Variants in GABRB3 observed in about 807,000 individuals in gnomAD.
The protein encoded by GABRB3 is gamma-aminobutyric acid type A receptor subunit beta3.
In GABRB3, 14 loss-of-function variants were observed where a neutral mutation model predicts 52.1. That is an observed-to-expected ratio of 0.27 (90% CI 0.18 to 0.42). The LOEUF (loss-of-function observed/expected upper bound fraction) is 0.42. Ranked by LOEUF, GABRB3 falls within the 10% of genes least tolerant of loss-of-function variation. The pLI is 1.00. For missense variants in GABRB3, 307 were observed against 609.1 expected (o/e 0.50, Z 5.22); for synonymous variants, 260 against 232.3 (o/e 1.12, Z -1.08).
intron 3 of GABRB3, among the ~76,000 whole-genome samples, chr15:26,658,122 C>T (rs1057410537): frequency 6.6e-6 from 1 of 152,128 alleles, no homozygotes; most frequent in Non-Finnish European, 1.5e-5. Context: ...GCTGGTGCCA[C>T]CCAGACCAGT....
At chr15:26,585,373 C>A (rs574237224) in intron 4 of GABRB3, among the ~76,000 whole-genome samples, 1 of 152,292 alleles carries the variant, frequency 6.6e-6, no homozygotes, top group East Asian at 1.9e-4. Flanking sequence ...AACAAACCTA[C>A]TAATGCTGCA....
At chr15:26,548,853 T>A (rs1230214713) in intron 8 of GABRB3, among the ~76,000 whole-genome samples, 1 of 152,248 alleles carries the variant, frequency 6.6e-6, no homozygotes, top group Admixed American at 6.5e-5. Context: ...TGGGTTGGTC[T>A]GCACTGGAAC....
intron 3 of GABRB3, among the ~76,000 whole-genome samples, chr15:26,709,202 A>G (rs1367870455): frequency 6.6e-6 from 1 of 152,178 alleles, no homozygotes; most frequent in South Asian, 2.1e-4. Context: ...CTTATGTTGA[A>G]CTTTGATTCC....
chr15:26,770,131 A>G (rs1488986953), intron 3 of GABRB3, among the ~76,000 whole-genome samples: 3 of 152,206 alleles, frequency 2.0e-5, no homozygotes, highest in Admixed American at 2.0e-4. Flanking sequence ...TCATGCACAA[A>G]TATTTTAAGG....
chr15:26,713,775 A>T (rs1340691806), intron 3 of GABRB3, among the ~76,000 whole-genome samples: 1 of 152,216 alleles, frequency 6.6e-6, no homozygotes, highest in Non-Finnish European at 1.5e-5. Context: ...GTGAGCATTC[A>T]TCAGGCAGCA....
At chr15:26,710,740 T>G (rs563031466) in intron 3 of GABRB3, among the ~76,000 whole-genome samples, 7 of 152,366 alleles carry the variant, frequency 4.6e-5, no homozygotes, top group African/African-American at 1.7e-4. Context: ...AAGGGAAATA[T>G]TGATACAAAG....
chr15:26,579,193 G>C (rs1226430135), intron 6 of GABRB3, among the ~76,000 whole-genome samples: 1 of 152,212 alleles, frequency 6.6e-6, no homozygotes, highest in African/African-American at 2.4e-5. Flanking sequence ...ACTCAAGATG[G>C]GGGTGGGGAG....
At chr15:26,589,601 G>A (rs1807243812) in intron 4 of GABRB3, among the ~76,000 whole-genome samples, 1 of 151,740 alleles carries the variant, frequency 6.6e-6, no homozygotes, top group Non-Finnish European at 1.5e-5. Context: ...AACAATCTTG[G>A]TCTCTATCTC....
intron 3 of GABRB3, among the ~76,000 whole-genome samples, chr15:26,646,667 C>T (rs543780558): frequency 6.6e-6 from 1 of 152,226 alleles, no homozygotes; most frequent in East Asian, 1.9e-4. Context: ...ACCCCAGCAA[C>T]ATATAAAGTT....
At chr15:26,600,700 C>T (rs1478302523) in intron 4 of GABRB3, among the ~76,000 whole-genome samples, 1 of 152,074 alleles carries the variant, frequency 6.6e-6, no homozygotes, top group Non-Finnish European at 1.5e-5. Flanking sequence ...CATCACTATC[C>T]CCTAGCTCTG....
chr15:26,585,100 G>A (rs1595460224), intron 4 of GABRB3, among the ~76,000 whole-genome samples: 1 of 152,220 alleles, frequency 6.6e-6, no homozygotes, highest in Admixed American at 6.5e-5. Flanking sequence ...AGTCGTAGTT[G>A]TGCCCCAGGC....
chr15:26,681,807 T>C (rs1387285551), intron 3 of GABRB3, among the ~76,000 whole-genome samples: 2 of 152,004 alleles, frequency 1.3e-5, no homozygotes, highest in Non-Finnish European at 2.9e-5. Context: ...ACAAAGAAAA[T>C]GTTTTATAAG....
chr15:26,705,755 T>C (rs1296909808), intron 3 of GABRB3, among the ~76,000 whole-genome samples: 1 of 152,060 alleles, frequency 6.6e-6, no homozygotes, highest in Non-Finnish European at 1.5e-5. Context: ...GCAGGAAACA[T>C]TTGGGGGTAG....
intron 3 of GABRB3, among the ~76,000 whole-genome samples, chr15:26,660,231 G>GAAA (rs1262318777): frequency 6.7e-4 from 92 of 137,914 alleles, no homozygotes; most frequent in African/African-American, 1.9e-3. Flanking sequence ...CTCCATCTCG[G>GAAA]AAAAAAAAAA....
intron 3 of GABRB3, among the ~76,000 whole-genome samples, chr15:26,717,186 CT>C (rs1889513507): frequency 6.7e-6 from 1 of 149,734 alleles, no homozygotes; most frequent in African/African-American, 2.5e-5. Flanking sequence ...GACCTCCACC[CT>C]ATGACAGCCC....
chr15:26,705,940 G>T lies in GABRB3; in HGVS notation c.240+66462C>A, dbSNP rs1414944602. ...GGCAAGAGCTGAAAAACTTCCTATTGGGTACCATGTTCACCATCTGGGTTC... is the reference window on the plus strand; with the variant it reads ...GGCAAGAGCTGAAAAACTTCCTATTTGGTACCATGTTCACCATCTGGGTTC... On this transcript the variant is annotated intron_variant, in intron 3 of 8. Coordinates refer to ENST00000311550, the MANE Select transcript of GABRB3 (RefSeq NM_000814.6). 2.0e-5 allele frequency among the ~76,000 whole-genome samples: 3 copies of T among 152,066 alleles called. No individual in the cohort carries two copies. In the East Asian group the frequency reaches 5.8e-4, roughly 29 times the overall value.
At chr15:26,585,464 G>A (rs1431585224) in intron 4 of GABRB3, among the ~76,000 whole-genome samples, 1 of 152,000 alleles carries the variant, frequency 6.6e-6, no homozygotes. Context: ...AATACTGATG[G>A]ACTTGTGTCA....
Position 26,621,251 on chromosome 15 carries a change from G to C in GABRB3, c.461+63C>G. ...GCCTCACTTACAATAATCATCTCAAGTGAGATATTCAACACCCATGCACCA... is the reference window on the plus strand; with the variant it reads ...GCCTCACTTACAATAATCATCTCAACTGAGATATTCAACACCCATGCACCA... On this transcript the variant is annotated intron_variant, in intron 4 of 8. Transcript: ENST00000311550. This position sits in a 1 kb window ranked among gnomAD's most constrained non-coding sequence, Gnocchi z 4.1. The C allele has an allele frequency of 2.5e-6, 3 of 1,208,882 alleles. No individual in the cohort carries two copies. Among genetic ancestry groups the C allele is most frequent in the Non-Finnish European group, 3.7e-6 (3 of 811,872 alleles). 74.9% of individuals were successfully genotyped at this position (1,208,882 alleles called of 1,614,324 possible).
chr15:26,653,423 G>C (rs958087470), intron 3 of GABRB3, among the ~76,000 whole-genome samples: 4 of 152,138 alleles, frequency 2.6e-5, no homozygotes, highest in African/African-American at 9.7e-5. Flanking sequence ...ATCCCACCCA[G>C]GCACAGAAGA....
Sources: allele counts gnomAD v4.1 joint callset (sites outside exome capture counted in the v4.1 genomes callset), GRCh38; gene constraint gnomAD v4.1.1; non-coding constraint Gnocchi (gnomAD v3.1); transcripts MANE v1.5; gene names NCBI Gene and HGNC (gene_info 2026-07-23, HGNC 2026-07-21).